DHRSX: variants seen among roughly 807,000 people sequenced by gnomAD.
DHRSX encodes dehydrogenase/reductase X-linked, also known as polyprenol dehydrogenase.
A neutral mutation model predicts 34.0 loss-of-function variants in DHRSX; 31 were observed. The ratio of observed to expected loss-of-function variants is 0.91; its 90% CI spans 0.69 to 1.23. The LOEUF is 1.23. DHRSX is among the 50% of genes most tolerant of loss of function. DHRSX has a pLI of 0.00. For synonymous variants in DHRSX, 201 were observed against 183.8 expected (o/e 1.09, Z -0.76); for missense variants, 414 against 428.1 (o/e 0.97, Z 0.29).
At chrX:2,245,244 G>A (rs1466952733) in intron 5 of DHRSX, among the ~76,000 whole-genome samples, 1 of 152,028 alleles carries the variant, frequency 6.6e-6, no homozygotes, top group Non-Finnish European at 1.5e-5. Flanking sequence ...AACCATCTGT[G>A]TCTCACCTAC....
At chrX:2,493,022 G>A (rs2045194853) in intron 1 of DHRSX, among the ~76,000 whole-genome samples, 2 of 152,214 alleles carry the variant, frequency 1.3e-5, no homozygotes, top group African/African-American at 2.4e-5. Context: ...GGGAGACGCC[G>A]CCACGTGCCA....
chrX:2,249,513 CTTTTTTT>C lies in DHRSX; in HGVS notation c.597-6290_597-6284del, dbSNP rs753035485. On this transcript the variant is annotated intron_variant, in intron 5 of 6. Transcript: ENST00000334651. ...CCACCACGCTCAGCCCTTTTTGTGCCTTTTTTTTTTTTTTTTTTTTTTTTTTTTGAGA... is the reference window on the plus strand; with the variant it reads ...CCACCACGCTCAGCCCTTTTTGTGCCTTTTTTTTTTTTTTTTTTTTTGAGA... Among the ~76,000 whole-genome samples, 79 of 70,182 alleles carry C rather than the reference CTTTTTTT, an allele frequency of 1.1e-3. 2 individuals are homozygous for C. Among genetic ancestry groups the C allele is most frequent in the African/African-American group, 3.5e-3 (74 of 21,058 alleles). 46.0% of individuals were successfully genotyped at this position (70,182 alleles called of 152,430 possible). A position where few individuals can be genotyped will look rare whatever the true frequency, so the allele number is the denominator to read the frequency against.
intron 3 of DHRSX, among the ~76,000 whole-genome samples, chrX:2,314,214 G>GA (rs1264815214): frequency 1.2e-4 from 2 of 17,138 alleles, no homozygotes; most frequent in Non-Finnish European, 2.4e-4. Context: ...GAGAGGGAGG[G>GA]AAGGAGGGAA....
chrX:2,416,707 A>G (rs1012751594), intron 2 of DHRSX, among the ~76,000 whole-genome samples: 1 of 152,140 alleles, frequency 6.6e-6, no homozygotes, highest in Non-Finnish European at 1.5e-5. Context: ...TCCCCCACCA[A>G]AATAATATTT....
chrX:2,488,634 G>A (rs759195164), intron 1 of DHRSX: 16 of 1,592,006 alleles, frequency 1.0e-5, no homozygotes, highest in East Asian at 6.7e-5. Context: ...ACGCTTCCTC[G>A]CTACAGGAAG....
chrX:2,356,819 C>G (rs1053960728), intron 3 of DHRSX, among the ~76,000 whole-genome samples: 2 of 152,192 alleles, frequency 1.3e-5, no homozygotes, highest in African/African-American at 4.8e-5. Flanking sequence ...CTCTAGCTTA[C>G]TTTAGTCTAA....
intron 3 of DHRSX, among the ~76,000 whole-genome samples, chrX:2,401,239 T>C (rs1465371819): frequency 2.0e-5 from 3 of 151,550 alleles, no homozygotes; most frequent in African/African-American, 7.3e-5. Context: ...GCCTCCTGAG[T>C]AGCTGGAATT....
intron 3 of DHRSX, among the ~76,000 whole-genome samples, chrX:2,337,021 G>C (rs1024580394): frequency 1.3e-5 from 2 of 152,074 alleles, no homozygotes; most frequent in South Asian, 2.1e-4. Flanking sequence ...GGCCAGGCTG[G>C]TCTTGAACTC....
intron 1 of DHRSX, among the ~76,000 whole-genome samples, chrX:2,426,436 TTCTTTCCTTCCCTCCC>T (rs1425367590): frequency 4.4e-4 from 65 of 148,848 alleles, no homozygotes; most frequent in East Asian, 1.4e-3. Context: ...CCTTCCTTCA[TTCTTTCCTTCCCTCCC>T]TCTTTCCTTC....
At chrX:2,356,152 G>A (rs1252135198) in intron 3 of DHRSX, among the ~76,000 whole-genome samples, 1 of 151,868 alleles carries the variant, frequency 6.6e-6, no homozygotes, top group Non-Finnish European at 1.5e-5. Flanking sequence ...GAGGCAGGCA[G>A]ATCAACTGAA....
chrX:2,409,130 A>G (rs1321854987), intron 2 of DHRSX, among the ~76,000 whole-genome samples: 22 of 152,210 alleles, frequency 1.4e-4, no homozygotes, highest in Non-Finnish European at 5.9e-5. Flanking sequence ...GCATAAGCAT[A>G]AAAAATGTGC....
At chrX:2,384,950 A>AAT (rs200531332) in intron 3 of DHRSX, among the ~76,000 whole-genome samples, 5 of 148,860 alleles carry the variant, frequency 3.4e-5, no homozygotes, top group South Asian at 2.1e-4. Context: ...AAGAAAAAAA[A>AAT]ATATATATAT....
At chrX:2,313,258 T>G (rs1163411025) in intron 3 of DHRSX, among the ~76,000 whole-genome samples, 1 of 152,078 alleles carries the variant, frequency 6.6e-6, no homozygotes, top group East Asian at 1.9e-4. Flanking sequence ...TCTGCCTGCC[T>G]CAGCCTACAA....
At chrX:2,467,013 C>T (rs1471941426) in intron 1 of DHRSX, among the ~76,000 whole-genome samples, 5 of 148,042 alleles carry the variant, frequency 3.4e-5, no homozygotes, top group Non-Finnish European at 7.4e-5. Flanking sequence ...TGCAGTGAGC[C>T]GAGATCGCGC....
At chrX:2,355,903 T>C (rs183177373) in intron 3 of DHRSX, among the ~76,000 whole-genome samples, 60 of 150,316 alleles carry the variant, frequency 4.0e-4, no homozygotes, top group Middle Eastern at 3.5e-3. Flanking sequence ...CCATCTCTAC[T>C]AAAAATACAA....
intron 4 of DHRSX, among the ~76,000 whole-genome samples, chrX:2,276,584 G>T (rs1028976679): frequency 2.6e-5 from 4 of 152,104 alleles, no homozygotes; most frequent in African/African-American, 9.7e-5. Flanking sequence ...TTTTACTGGG[G>T]AGTGAACGCT....
chrX:2,289,021 G>C (rs1379682514), intron 4 of DHRSX, among the ~76,000 whole-genome samples: 4 of 152,204 alleles, frequency 2.6e-5, no homozygotes, highest in Admixed American at 6.5e-5. Context: ...TGTATCCACT[G>C]TCACAGATGT....
intron 2 of DHRSX, among the ~76,000 whole-genome samples, chrX:2,419,807 G>A (rs1183728885): frequency 3.0e-5 from 4 of 134,702 alleles, no homozygotes; most frequent in Non-Finnish European, 4.7e-5. Flanking sequence ...ATCACACACC[G>A]GGGACTGTTG....
At chrX:2,369,693 G>T (rs1022353418) in intron 3 of DHRSX, among the ~76,000 whole-genome samples, 25 of 151,838 alleles carry the variant, frequency 1.6e-4, no homozygotes, top group African/African-American at 5.8e-4. Context: ...TAGTAGAGAC[G>T]GGGTTTCACC....
Sources: gnomAD v4.1 joint callset for allele counts (sites outside exome capture counted in the v4.1 genomes callset) on GRCh38, gnomAD v4.1.1 for gene constraint, MANE v1.5 for transcripts, NCBI Gene and HGNC (gene_info 2026-07-23, HGNC 2026-07-21) for gene names.